Variants in TBCD observed in about 807,000 individuals in gnomAD.
The protein encoded by TBCD is tubulin folding cofactor D, also known as tubulin-specific chaperone D.
TBCD carries 105 observed loss-of-function variants against 169.3 expected under a neutral mutation model. That is an observed-to-expected ratio of 0.62 (90% CI 0.53 to 0.73). The LOEUF is 0.73. Among genes scored for constraint, TBCD ranks in the 30% least tolerant of loss-of-function variants. The pLI is 0.00. For synonymous variants in TBCD, 700 were observed against 643.9 expected (o/e 1.09, Z -1.32); for missense variants, 1,444 against 1,600.1 (o/e 0.90, Z 1.66).
intron 30 of TBCD, 76 bp downstream of exon 30, chr17:82,928,064 C>T (rs1271923304): frequency 7.2e-6 from 10 of 1,380,480 alleles, no homozygotes; most frequent in East Asian, 2.3e-5. Context: ...GGCGGGCGGT[C>T]CTGGTGCTCA....
chr17:82,888,704 G>T lies in TBCD; in HGVS notation c.1534-964G>T, dbSNP rs529903341. 2.0e-5 allele frequency among the ~76,000 whole-genome samples: 3 copies of T among 152,284 alleles called. No individual in the cohort carries two copies. The South Asian group carries it at 6.2e-4, about 32-fold the overall frequency. ...TGCTCCTTTTCCCTGGGGGGTGGGG[G>T]CACAGACCCTGGGTGGCTGTGTTCG... On this transcript the variant is annotated intron_variant, in intron 15 of 38. Transcript: ENST00000355528.
intron 13 of TBCD, among the ~76,000 whole-genome samples, chr17:82,869,227 T>A (rs1204479622): frequency 6.6e-6 from 1 of 152,226 alleles, no homozygotes; most frequent in East Asian, 1.9e-4. Flanking sequence ...ATGAACCTAA[T>A]AAATCGAACA....
intron 6 of TBCD, among the ~76,000 whole-genome samples, chr17:82,780,153 C>G (rs3838481): frequency 3.2e-4 from 20 of 63,030 alleles, no homozygotes; most frequent in African/African-American, 5.4e-4. Flanking sequence ...TTCGCGAGTT[C>G]CCTTGGCTCC....
In TBCD at chr17:82,907,742, T is replaced by C. The variant is rs370591953; in HGVS notation, c.1923-19T>C. ...GTCTTGGGGAGTGTGACTTCAGCTC[T>C]GTGTTTGAACTTCTGCAGGCCCGTC... On this transcript the variant is annotated intron_variant, in intron 20 of 38. Transcript: ENST00000355528. 59 of 1,613,426 alleles carry C rather than the reference T, an allele frequency of 3.7e-5. No individual in the cohort carries two copies. Among genetic ancestry groups the C allele is most frequent in the Non-Finnish European group, 4.9e-5 (58 of 1,179,698 alleles).
chr17:82,883,951 A>G (rs2058553287), intron 14 of TBCD, among the ~76,000 whole-genome samples, 194 bp from the exon 15 acceptor site: 1 of 151,090 alleles, frequency 6.6e-6, no homozygotes, highest in Admixed American at 6.6e-5. Flanking sequence ...CAGCTCCCAC[A>G]TGGCGTCTGG....
rs1475069608 is a variant in TBCD, at chr17:82,786,358, A to G, written c.771+4637A>G. ...ATGTGACCAGAGCTGGTTGTCTCCA[A>G]TGGCTCTGCCCCGAGTGTGGTGCCT... is the stretch of plus-strand genomic sequence containing the variant. On this transcript the variant is annotated intron_variant, in intron 7 of 38. Transcript: ENST00000355528. 3.9e-5 allele frequency among the ~76,000 whole-genome samples: 6 copies of G among 152,230 alleles called. No individual in the cohort carries two copies. The East Asian group carries it at 9.6e-4, about 24-fold the overall frequency.
At chr17:82,902,063 G>A (rs1393762479) in intron 18 of TBCD, among the ~76,000 whole-genome samples, 1 of 152,236 alleles carries the variant, frequency 6.6e-6, no homozygotes, top group East Asian at 1.9e-4. Context: ...CTCTGCCTCA[G>A]TTCTGTCGGC....
intron 2 of TBCD, among the ~76,000 whole-genome samples, chr17:82,759,022 G>C (rs2047606566): frequency 6.6e-6 from 1 of 151,312 alleles, no homozygotes; most frequent in African/African-American, 2.4e-5. Context: ...TTTCGTGTTT[G>C]TTTTTTTAAA....
rs2061474229 is a variant in TBCD, at chr17:82,922,381, AAAAC to A, written c.2178+808_2178+811del. Among the ~76,000 whole-genome samples the A allele has an allele frequency of 6.6e-6, 1 of 151,794 alleles. No homozygotes were observed. The highest frequency in any genetic ancestry group is 2.1e-4 in the South Asian group (1 of 4,800). ...TGCCTCAAAAACAAAAACAAAAACA[AAAAC>A]AAAAAAAACCATGGTTACCAACGTT... On this transcript the variant is annotated intron_variant, in intron 25 of 38. Coordinates refer to ENST00000355528, the MANE Select transcript of TBCD (RefSeq NM_005993.5). This position sits in a 1 kb window ranked among gnomAD's most constrained non-coding sequence, Gnocchi z 4.1.
intron 6 of TBCD, among the ~76,000 whole-genome samples, chr17:82,776,006 C>G (rs904656864): frequency 1.3e-5 from 2 of 152,108 alleles, no homozygotes; most frequent in African/African-American, 4.8e-5. Flanking sequence ...CACCTGAGGT[C>G]AGGAGTTCAA....
intron 7 of TBCD, among the ~76,000 whole-genome samples, chr17:82,786,449 ATC>A (rs1048524159): frequency 6.6e-6 from 1 of 152,046 alleles, no homozygotes; most frequent in African/African-American, 2.4e-5. Context: ...GGCAAATTTG[ATC>A]TCTGTCCGGT....
At position 82,835,223 on chromosome 17, in the gene TBCD, A is replaced by T. The variant is rs746210666; in HGVS notation, c.1318+20289A>T. On this transcript the variant is annotated intron_variant, in intron 13 of 38. Coordinates refer to ENST00000355528, the MANE Select transcript of TBCD (RefSeq NM_005993.5). The surrounding 1 kb of genome is among the most constrained non-coding windows in gnomAD (Gnocchi z 4.5). ...GTGAAAAGCCGCCCCTTGAAAATAG[A>T]GCAACGTGTGTGGGAGCCTAGGAGG... Among the ~76,000 whole-genome samples, 1 of 152,080 alleles carries T rather than the reference A, an allele frequency of 6.6e-6. No individual in the cohort carries two copies. The highest frequency in any genetic ancestry group is 2.4e-5 in the African/African-American group (1 of 41,402).
Position 82,921,531 on chromosome 17 carries a change from T to A in TBCD, c.2132T>A (p.Leu711Ter). The change falls in exon 25 of 39, where the codon TTG becomes TAG. Residue 711 changes from leucine to a stop codon, truncating the protein, a stop_gained. Transcript: ENST00000355528. LOFTEE classifies it high-confidence loss of function. ...DGWQWLINDT[L>*]RHLHLISSHS... is the part of the protein sequence containing the mutation. ...TGGCAATGGCTGATAAATGACACTTTGAGACATCTCCATCTCATCTCAAGT... is the reference window on the plus strand; with the variant it reads ...TGGCAATGGCTGATAAATGACACTTAGAGACATCTCCATCTCATCTCAAGT... 6.2e-7 allele frequency: 1 copy of A among 1,614,080 alleles called. No individual in the cohort carries two copies. Among genetic ancestry groups the A allele is most frequent in the South Asian group, 1.1e-5 (1 of 91,090 alleles).
chr17:82,938,158 CGT>C, intron 36 of TBCD, 22 bp downstream of exon 36: 6 of 1,605,952 alleles, frequency 3.7e-6, no homozygotes, highest in Admixed American at 3.4e-5. Flanking sequence ...CCCCTGCTCA[CGT>C]GTGTTTGCCG....
At chr17:82,759,892 T>G (rs914050823) in intron 2 of TBCD, among the ~76,000 whole-genome samples, 30 of 148,926 alleles carry the variant, frequency 2.0e-4, no homozygotes, top group East Asian at 1.9e-4. Context: ...TTGTTTGTTT[T>G]TTTTTTTTTT....
chr17:82,860,300 C>T (rs2056649779), intron 13 of TBCD: 15 of 915,260 alleles, frequency 1.6e-5, no homozygotes, highest in African/African-American at 1.8e-5. Flanking sequence ...CCCTGCATGG[C>T]GGTCACGCTG....
intron 8 of TBCD, among the ~76,000 whole-genome samples, chr17:82,799,098 C>T (rs919776113): frequency 7.9e-5 from 12 of 152,196 alleles, no homozygotes; most frequent in African/African-American, 2.9e-4. Context: ...TTTCTCCACG[C>T]AGAGGTTTAC....
intron 14 of TBCD, chr17:82,877,099 G>GT: frequency 1.7e-6 from 1 of 604,600 alleles, no homozygotes; most frequent in Non-Finnish European, 2.1e-6. Context: ...AGAATTCAGT[G>GT]TAACATGTGA....
intron 18 of TBCD, 124 bp downstream of exon 18, chr17:82,900,855 G>C: frequency 2.8e-6 from 2 of 719,504 alleles, no homozygotes; most frequent in Non-Finnish European, 4.8e-6. Flanking sequence ...TAACTTCTGA[G>C]AAGTAATATG....
Sources: gnomAD v4.1 joint callset for allele counts (sites outside exome capture counted in the v4.1 genomes callset) on GRCh38, gnomAD v4.1.1 for gene constraint, Gnocchi (gnomAD v3.1) non-coding constraint, MANE v1.5 for transcripts, NCBI Gene and HGNC (gene_info 2026-07-23, HGNC 2026-07-21) for gene names.